STXBP5L: variants seen among roughly 807,000 people sequenced by gnomAD.
The protein encoded by STXBP5L is syntaxin-binding protein 5-like.
Under a neutral mutation model 144.5 loss-of-function variants are expected in STXBP5L, and 65 were observed. The ratio of observed to expected loss-of-function variants is 0.45; its 90% CI spans 0.37 to 0.55. The LOEUF (loss-of-function observed/expected upper bound fraction) is 0.55, where lower values mean the gene tolerates loss of function less well. Ranked by LOEUF, STXBP5L falls within the 20% of genes least tolerant of loss-of-function variation. The pLI is 0.00. For synonymous variants in STXBP5L, 505 were observed against 469.6 expected, an observed-to-expected ratio of 1.08 and a Z score of -0.97; for missense variants, 1,298 against 1,405.5, an observed-to-expected ratio of 0.92 and a Z score of 1.22.
chr3:121,209,577 C>T (rs1452176809), intron 10 of STXBP5L, among the ~76,000 whole-genome samples: 2 of 151,894 alleles, frequency 1.3e-5, no homozygotes, highest in Non-Finnish European at 2.9e-5. Context: ...TGCTATCCAT[C>T]CCCTCTCCCC....
At chr3:121,007,205 A>T (rs1944395382) in intron 3 of STXBP5L, among the ~76,000 whole-genome samples, 1 of 152,116 alleles carries the variant, frequency 6.6e-6, no homozygotes, top group South Asian at 2.1e-4. Flanking sequence ...TTGAATAGAT[A>T]TTGAAGTTAC....
chr3:121,130,291 T>G (rs777063103), intron 7 of STXBP5L, among the ~76,000 whole-genome samples: 2 of 152,108 alleles, frequency 1.3e-5, no homozygotes, highest in Non-Finnish European at 2.9e-5. Flanking sequence ...TGGGCCCTTG[T>G]AGAGACTGAA....
At chr3:120,971,169 C>T (rs758882388) in intron 3 of STXBP5L, among the ~76,000 whole-genome samples, 4 of 152,068 alleles carry the variant, frequency 2.6e-5, no homozygotes, top group African/African-American at 4.8e-5. Flanking sequence ...TTTGGGCCTT[C>T]CTGCAGATTG....
Position 121,254,993 on chromosome 3 carries a change from C to G in STXBP5L, c.1540C>G (p.Pro514Ala). 1 of 1,613,360 alleles carries G rather than the reference C, an allele frequency of 6.2e-7. No homozygotes were observed. Among genetic ancestry groups the G allele is most frequent in the Non-Finnish European group, 8.5e-7 (1 of 1,179,610 alleles). ...AACATGTGAAATTGTAGAGGAAGAC[C>G]CATTTGCCATTCAGATGATTTACTG... Reference protein sequence around the residue: ...KQTCEIVEEDPFAIQMIYWCP... With the variant: ...KQTCEIVEEDAFAIQMIYWCP... Residue 514 changes from proline (P) to alanine (A), a missense_variant, in exon 16 of 27, where the codon CCA (proline) becomes GCA (alanine). Transcript: ENST00000471454.
At position 121,202,330 on chromosome 3, in the gene STXBP5L, A is replaced by G. The variant is rs373845771; in HGVS notation, c.878-3593A>G. 4.6e-5 allele frequency among the ~76,000 whole-genome samples: 7 copies of G among 152,186 alleles called. No homozygotes were observed. The East Asian group carries it at 9.6e-4, about 21-fold the overall frequency. Reference sequence around the variant, plus strand: ...CTTGTTCCAATACAGCTTTGCTCTCACCCACCTTCTTTTTCTTGTTATTGG... The same window carrying G: ...CTTGTTCCAATACAGCTTTGCTCTCGCCCACCTTCTTTTTCTTGTTATTGG... On this transcript the variant is annotated intron_variant, in intron 9 of 26. Transcript: ENST00000471454.
rs1385773804 is a variant in STXBP5L, at chr3:121,321,234, G to C, written c.2176+2694G>C. On this transcript the variant is annotated intron_variant, in intron 20 of 26. Coordinates refer to ENST00000471454, the MANE Select transcript of STXBP5L (RefSeq NM_001308330.2). Reference sequence around the variant, plus strand: ...TTATAAGTAATAATAATTGAGGAATGAGAGATTTTTTTTTCCTTATAACAG... The same window carrying C: ...TTATAAGTAATAATAATTGAGGAATCAGAGATTTTTTTTTCCTTATAACAG... Among the ~76,000 whole-genome samples the C allele has an allele frequency of 3.3e-5, 5 of 152,232 alleles. No homozygotes were observed. In the South Asian group the frequency reaches 1.0e-3, roughly 32 times the overall value.
rs146807950 is a variant in STXBP5L at position 121,141,222 on chromosome 3, G to A, written c.670-11255G>A. Among the ~76,000 whole-genome samples the A allele has an allele frequency of 7.4e-3, 1,121 of 152,146 alleles. 8 individuals carry two copies. The highest frequency in any genetic ancestry group is 0.024 in the African/African-American group (994 of 41,518). The stretch of plus-strand genomic sequence containing the variant: ...AGTTTGAGACTAGCCTGACCAACAC[G>A]GAGAAACCCTGTGTCTACTAAAAAT... On this transcript the variant is annotated intron_variant, in intron 7 of 26. Transcript: ENST00000471454.
chr3:121,053,375 T>C (rs1474084991), intron 5 of STXBP5L, among the ~76,000 whole-genome samples: 1 of 152,164 alleles, frequency 6.6e-6, no homozygotes, highest in Non-Finnish European at 1.5e-5. Context: ...AACAGCATGG[T>C]ACTGGTACCA....
intron 5 of STXBP5L, 43 bp from the exon 6 acceptor site, chr3:121,114,882 A>T (rs763966920): frequency 1.8e-5 from 24 of 1,352,624 alleles, no homozygotes; most frequent in Non-Finnish European, 2.4e-5. Flanking sequence ...TGCTGACCAA[A>T]TGTAAAATTT....
rs1410073660 is a variant in STXBP5L, at chr3:121,240,414, A to G, written c.1333-26A>G. 5 of 1,605,312 alleles carry G rather than the reference A, an allele frequency of 3.1e-6. No individual in the cohort carries two copies. The African/African-American group carries it at 5.4e-5, about 17-fold the overall frequency. On this transcript the variant is annotated intron_variant, in intron 13 of 26. Transcript: ENST00000471454. Reference sequence around the variant, plus strand: ...TTCTAAGCCATTTAAACATGTATATATATTCTTTCTGGATAATCTGTTTAG... The same window carrying G: ...TTCTAAGCCATTTAAACATGTATATGTATTCTTTCTGGATAATCTGTTTAG...
intron 3 of STXBP5L, among the ~76,000 whole-genome samples, chr3:121,018,558 C>A (rs1272750332): frequency 6.7e-6 from 1 of 148,238 alleles, no homozygotes; most frequent in African/African-American, 2.5e-5. Flanking sequence ...CAGACACAGT[C>A]CTTACATCTT....
Position 121,254,795 on chromosome 3 carries a change from A to T in STXBP5L, c.1442-100A>T, listed in dbSNP as rs556099165. The T allele has an allele frequency of 2.7e-5, 27 of 1,013,132 alleles. No individual in the cohort carries two copies. The African/African-American group carries it at 4.3e-4, about 16-fold the overall frequency. 62.8% of individuals were successfully genotyped at this position (1,013,132 alleles called of 1,614,324 possible). On this transcript the variant is annotated intron_variant, in intron 15 of 26. Transcript: ENST00000471454. ...AAAATGTAATTCACTTTGTCTACTT[A>T]GGTTTACTTTTGTTGTTTAACAAAT... is the stretch of plus-strand genomic sequence containing the variant.
chr3:121,281,063 A>G (rs2051044276), intron 19 of STXBP5L, among the ~76,000 whole-genome samples: 1 of 151,830 alleles, frequency 6.6e-6, no homozygotes, highest in South Asian at 2.1e-4. Flanking sequence ...AAGGTACATG[A>G]TGGTAGGTGT....
At chr3:120,937,371 C>T (rs1008108599) in intron 2 of STXBP5L, among the ~76,000 whole-genome samples, 4 of 151,874 alleles carry the variant, frequency 2.6e-5, no homozygotes, top group Admixed American at 2.0e-4. Context: ...TGTAGGGACA[C>T]CTCTAACCCT....
At chr3:121,005,408 C>CA (rs1448120393) in intron 3 of STXBP5L, among the ~76,000 whole-genome samples, 2 of 152,088 alleles carry the variant, frequency 1.3e-5, no homozygotes, top group Non-Finnish European at 2.9e-5. Context: ...TCCCCTTTAT[C>CA]ATGTTTTATT....
chr3:121,197,022 A>G (rs770706733), intron 9 of STXBP5L, among the ~76,000 whole-genome samples: 1 of 151,916 alleles, frequency 6.6e-6, no homozygotes, highest in Non-Finnish European at 1.5e-5. Flanking sequence ...TTTCTTTAAC[A>G]TACTTGCTTA....
At position 121,216,569 on chromosome 3, in the gene STXBP5L, G is replaced by A. The variant is rs114032933; in HGVS notation, c.957-6434G>A. On this transcript the variant is annotated intron_variant, in intron 10 of 26. Transcript: ENST00000471454. ...CTTCCTCTGGAAGCTTCGTCTTAGAGGGACACCCACCAGATGCCAGCTGGA... is the reference window on the plus strand; with the variant it reads ...CTTCCTCTGGAAGCTTCGTCTTAGAAGGACACCCACCAGATGCCAGCTGGA... Among the ~76,000 whole-genome samples the A allele has an allele frequency of 6.4e-3, 967 of 152,258 alleles. 14 individuals carry two copies. Among genetic ancestry groups the A allele is most frequent in the African/African-American group, 0.021 (872 of 41,550 alleles).
chr3:121,145,001 G>A (rs1434885781), intron 7 of STXBP5L, among the ~76,000 whole-genome samples: 1 of 151,768 alleles, frequency 6.6e-6, no homozygotes, highest in East Asian at 1.9e-4. Context: ...ATGGGCTGGG[G>A]GAGGTTGAAA....
intron 3 of STXBP5L, among the ~76,000 whole-genome samples, chr3:120,992,199 G>A (rs373442107): frequency 2.4e-4 from 37 of 151,926 alleles, no homozygotes; most frequent in African/African-American, 9.0e-4. Context: ...TATTTATGGA[G>A]CATAGGCAAT....
Sources: allele counts gnomAD v4.1 joint callset (sites outside exome capture counted in the v4.1 genomes callset), GRCh38; gene constraint gnomAD v4.1.1; transcripts MANE v1.5; gene names NCBI Gene and HGNC (gene_info 2026-07-23, HGNC 2026-07-21).